Variants in TAS2R10 observed in about 807,000 individuals in gnomAD.
TAS2R10 encodes taste receptor type 2 member 10.
For missense variants in TAS2R10, 385 were observed against 362.0 expected, an observed-to-expected ratio of 1.06 and a Z score of -0.52; for synonymous variants, 144 against 126.6, an observed-to-expected ratio of 1.14 and a Z score of -0.92.
rs925087482 is a variant in TAS2R10, at chr12:10,826,331, G to A, written c.-62C>T. 55 of 1,182,130 alleles carry A rather than the reference G, an allele frequency of 4.7e-5. No individual in the cohort carries two copies. The African/African-American group carries it at 8.0e-4, about 17-fold the overall frequency. 73.2% of individuals were successfully genotyped at this position (1,182,130 alleles called of 1,614,324 possible). A position where few individuals can be genotyped will look rare whatever the true frequency, so the allele number is the denominator to read the frequency against. On this transcript the variant is annotated 5_prime_UTR_variant, in exon 1 of 1. Coordinates refer to ENST00000240619, the Ensembl canonical transcript of TAS2R10. ...TCTTAGATTACCTGCTGCAGAATGA[G>A]GCATATATTGGCTGCTCGACGGAAG...
In TAS2R10 at chr12:10,826,008, A is replaced by G. The variant is rs117936881; in HGVS notation, c.262T>C (p.Trp88Arg). The G allele has an allele frequency of 6.9e-4, 1,110 of 1,613,662 alleles. 17 individuals are homozygous for G. The East Asian group carries it at 0.021, about 30-fold the overall frequency. The change falls in exon 1 of 1, where the codon TGG (tryptophan) becomes CGG (arginine). Residue 88 changes from tryptophan (W) to arginine (R), a missense_variant. By Grantham distance (101) the Trp-to-Arg change is moderately radical. Transcript: ENST00000240619. ...ATACTTGATTGATTACCAATTACCC[A>G]AAAGTAACTAATATATTCAATTAGG...
Position 10,825,775 on chromosome 12 carries a change from G to A in TAS2R10, c.495C>T (p.Asn165=), listed in dbSNP as rs777675815. ...TAATAAAGTATTCACTTTTATACAT[G>A]TTGAGATCCCAGACTGTGTCATTCT... The change falls in exon 1 of 1, where the codon AAC becomes AAT. Residue 165 remains asparagine, a synonymous_variant. Coordinates refer to ENST00000240619, the Ensembl canonical transcript of TAS2R10. 8.7e-6 allele frequency: 14 copies of A among 1,613,216 alleles called. No homozygotes were observed. The Admixed American group carries it at 1.5e-4, about 17-fold the overall frequency.
chr12:10,825,683 A>C, the TAS2R10 span: 2 of 1,613,548 alleles, frequency 1.2e-6, no homozygotes, highest in Non-Finnish European at 1.7e-6. Context: ...GGAAATGATT[A>C]AAAAAATACA....
exon 1 of TAS2R10, chr12:10,825,847 T>A: frequency 6.2e-7 from 1 of 1,612,656 alleles, no homozygotes; most frequent in Non-Finnish European, 8.5e-7. Flanking sequence ...CAAAATTAAG[T>A]AACGATGAAA....
chr12:10,825,826 C>T (rs761166638), exon 1 of TAS2R10: 33 of 1,612,462 alleles, frequency 2.0e-5, no homozygotes, highest in East Asian at 1.1e-4. Flanking sequence ...TAAGAATCTT[C>T]GCAATGTATG....
At chr12:10,825,414 GC>G in the TAS2R10 span, 1 of 1,613,506 alleles carries the variant, frequency 6.2e-7, no homozygotes, top group Non-Finnish European at 8.5e-7. Flanking sequence ...AAAGAGGCTT[GC>G]TTTAGCTTGC....
At chr12:10,825,975 C>T in exon 1 of TAS2R10, 1 of 1,613,542 alleles carries the variant, frequency 6.2e-7, no homozygotes, top group Admixed American at 1.7e-5. Flanking sequence ...AGGCTGGTGG[C>T]AAACCACATA....
chr12:10,825,546 C>T (rs1301903561), exon 1 of TAS2R10: 2 of 1,613,594 alleles, frequency 1.2e-6, no homozygotes, highest in Admixed American at 1.7e-5. Flanking sequence ...ATGGCCATGC[C>T]TATAAAATAC....
chr12:10,825,233 T>A (rs1009491150), downstream of TAS2R10: 3 of 804,224 alleles, frequency 3.7e-6, no homozygotes, highest in African/African-American at 5.2e-5. Flanking sequence ...ATTTCAGTGA[T>A]CTTTAATGAC....
At chr12:10,825,589 T>G in exon 1 of TAS2R10, 1 of 1,613,758 alleles carries the variant, frequency 6.2e-7, no homozygotes, top group Non-Finnish European at 8.5e-7. Flanking sequence ...ATATCAAAAC[T>G]TTCATTGCCT....
chr12:10,825,694 T>A (rs139062903), exon 1 of TAS2R10: 2 of 1,613,574 alleles, frequency 1.2e-6, no homozygotes, highest in African/African-American at 2.7e-5. Flanking sequence ...AAAAAATACA[T>A]GTAATTAGGG....
chr12:10,826,285 A>G, exon 1 of TAS2R10: 1 of 1,554,868 alleles, frequency 6.4e-7, no homozygotes, highest in Non-Finnish European at 8.8e-7. Context: ...CTAATTCTTA[A>G]TATTGCTTCT....
At chr12:10,825,655 C>T in exon 1 of TAS2R10, 1 of 1,613,582 alleles carries the variant, frequency 6.2e-7, no homozygotes, top group Non-Finnish European at 8.5e-7. Context: ...ATTGCATCTG[C>T]CTGTTGTGTC....
chr12:10,825,272 G>C, downstream of TAS2R10: 1 of 1,135,620 alleles, frequency 8.8e-7, no homozygotes, highest in East Asian at 2.4e-5. Context: ...CAAGAATGCA[G>C]TGCAATGAAA....
At chr12:10,826,023 A>G in exon 1 of TAS2R10, 1 of 1,613,490 alleles carries the variant, frequency 6.2e-7, no homozygotes, top group Non-Finnish European at 8.5e-7. Context: ...TAACTAATAT[A>G]TTCAATTAGG....
At chr12:10,825,597 C>A (rs753091979) in exon 1 of TAS2R10, 1 of 1,613,664 alleles carries the variant, frequency 6.2e-7, no homozygotes, top group Non-Finnish European at 8.5e-7. Flanking sequence ...ACTTTCATTG[C>A]CTTCACATGA....
chr12:10,825,473 G>T (rs750501135), exon 1 of TAS2R10: 1 of 1,613,702 alleles, frequency 6.2e-7, no homozygotes, highest in Non-Finnish European at 8.5e-7. Context: ...ATAGATGGCT[G>T]TGGTTGTCAT....
rs113253061 is a variant in TAS2R10, at chr12:10,825,749, T to G, written c.521A>C (p.Lys174Thr). The G allele has an allele frequency of 1.1e-4, 170 of 1,613,316 alleles. No individual in the cohort carries two copies. The African/African-American group carries it at 2.0e-3, about 19-fold the overall frequency. Residue 174 changes from lysine (K) to threonine (T), a missense_variant, in exon 1 of 1, where the codon AAA becomes ACA. Coordinates refer to ENST00000240619, the Ensembl canonical transcript of TAS2R10. ...GACTCCCAGATTTAGCAAAATCTGT[T>G]TAATAAAGTATTCACTTTTATACAT... is the stretch of plus-strand genomic sequence containing the variant.
chr12:10,825,823 C>T lies in TAS2R10; in HGVS notation c.447G>A (p.Lys149=), dbSNP rs772588664. The T allele has an allele frequency of 3.7e-6, 6 of 1,612,320 alleles. No individual in the cohort carries two copies. In the South Asian group the frequency reaches 6.6e-5, roughly 18 times the overall value. Residue 149 remains lysine (K), a synonymous_variant, in exon 1 of 1, where the codon AAG becomes AAA. Transcript: ENST00000240619. ...TCTTCGTTTTATAATCATTAAGAAT[C>T]TTCGCAATGTATGCAAAATTAAGTA...
Sources: gnomAD v4.1 joint callset for allele counts on GRCh38, gnomAD v4.1.1 for gene constraint, MANE v1.5 for transcripts, NCBI Gene and HGNC (gene_info 2026-07-23, HGNC 2026-07-21) for gene names.